PDE1C: variants seen among roughly 807,000 people sequenced by gnomAD.
PDE1C encodes phosphodiesterase 1C, also known as dual specificity calcium/calmodulin-dependent 3',5'-cyclic nucleotide phosphodiesterase 1C.
Under a neutral mutation model 93.1 loss-of-function variants are expected in PDE1C, and 62 were observed. The observed-to-expected ratio is 0.67, with a 90% CI of 0.54 to 0.82. The LOEUF (loss-of-function observed/expected upper bound fraction) is 0.82, where lower values mean the gene tolerates loss of function less well. PDE1C is among the 40% of genes least tolerant of loss of function. The probability of loss-of-function intolerance (pLI) is 0.00; values close to 1 mark genes in which losing one functional copy is unlikely to be tolerated. For synonymous variants in PDE1C, 325 were observed against 310.1 expected (o/e 1.05, Z -0.50); for missense variants, 742 against 884.6 (o/e 0.84, Z 2.04).
At position 31,864,960 on chromosome 7, in the gene PDE1C, G is replaced by A; in HGVS notation, c.732C>T (p.Leu244=). Residue 244 remains leucine, a synonymous_variant, in exon 7 of 18, where the codon CTC becomes CTT. Transcript: ENST00000396191. ...TACTTACCGCCACTCCTGTCTTATA[G>A]AGGAGGTAATGCACTGTCTGTGTAA... The part of the protein sequence containing the change: ...ADVTQTVHYL[L]YKTGVANWLT... The A allele has an allele frequency of 6.2e-7, 1 of 1,613,978 alleles. No individual in the cohort carries two copies. The highest frequency in any genetic ancestry group is 1.1e-5 in the South Asian group (1 of 91,076).
At chr7:32,417,969 T>A (rs879604498) in intron 1 of PDE1C, among the ~76,000 whole-genome samples, 14 of 152,122 alleles carry the variant, frequency 9.2e-5, no homozygotes, top group African/African-American at 2.9e-4. Context: ...GAAACTTGTG[T>A]TTTTGTTTGT....
the PDE1C span, chr7:31,696,209 G>C: frequency 6.6e-6 from 1 of 152,202 alleles, no homozygotes. Context: ...GTTTTGCCTT[G>C]TTTTGCTTTC....
At position 31,827,788 on chromosome 7, in the gene PDE1C, T is replaced by C. The variant is rs149651057; in HGVS notation, c.1285+504A>G. ...TGGTTATTAGCAATTCAAAAGTTATTCTTACCTTAAAAAAGTGCTTTAAAG... is the reference window on the plus strand; with the variant it reads ...TGGTTATTAGCAATTCAAAAGTTATCCTTACCTTAAAAAAGTGCTTTAAAG... On this transcript the variant is annotated intron_variant, in intron 12 of 17. Transcript: ENST00000396191. 7.6e-3 allele frequency among the ~76,000 whole-genome samples: 1,151 copies of C among 152,206 alleles called. 22 individuals carry two copies. Among genetic ancestry groups the C allele is most frequent in the African/African-American group, 0.026 (1,061 of 41,534 alleles).
intron 1 of PDE1C, among the ~76,000 whole-genome samples, chr7:32,267,031 CAG>C (rs1810625518): frequency 6.6e-6 from 1 of 152,232 alleles, no homozygotes; most frequent in African/African-American, 2.4e-5. Context: ...AGTCAGCAGT[CAG>C]AGGAGTTCAG....
chr7:32,408,465 A>C (rs1785101798), intron 1 of PDE1C, among the ~76,000 whole-genome samples: 1 of 152,206 alleles, frequency 6.6e-6, no homozygotes, highest in Non-Finnish European at 1.5e-5. Flanking sequence ...GCTTATCTGC[A>C]TCCTGCTTAA....
chr7:31,873,444 C>T, intron 5 of PDE1C, 36 bp from the exon 6 acceptor site: 1 of 1,313,540 alleles, frequency 7.6e-7, no homozygotes, highest in Non-Finnish European at 1.1e-6. Context: ...ACACATTAGC[C>T]CACAGACACT....
intron 2 of PDE1C, among the ~76,000 whole-genome samples, chr7:31,985,778 C>T (rs1431643554): frequency 6.6e-6 from 1 of 152,120 alleles, no homozygotes; most frequent in East Asian, 1.9e-4. Context: ...GCATAGTATT[C>T]CATGGTGTAT....
chr7:31,652,560 A>C, the PDE1C span: 1 of 1,609,694 alleles, frequency 6.2e-7, no homozygotes, highest in Middle Eastern at 1.7e-4. Flanking sequence ...ACACTATTCA[A>C]ATCTGCATCA....
At chr7:32,135,542 C>T (rs1156795222) in intron 3 of PDE1C, among the ~76,000 whole-genome samples, 1 of 152,128 alleles carries the variant, frequency 6.6e-6, no homozygotes, top group Non-Finnish European at 1.5e-5. Flanking sequence ...TACTAACCAT[C>T]AGAGAAATGA....
chr7:32,099,430 G>T (rs900183631), intron 3 of PDE1C, among the ~76,000 whole-genome samples: 1 of 152,130 alleles, frequency 6.6e-6, no homozygotes, highest in Non-Finnish European at 1.5e-5. Context: ...TTACTCCTCC[G>T]TGTTAATGTT....
At chr7:31,932,674 A>G (rs1804482186) in intron 2 of PDE1C, among the ~76,000 whole-genome samples, 1 of 152,226 alleles carries the variant, frequency 6.6e-6, no homozygotes, top group Non-Finnish European at 1.5e-5. Context: ...TCAAGGATCT[A>G]GAATCAGAAA....
chr7:32,141,237 C>A (rs531359348), intron 3 of PDE1C, among the ~76,000 whole-genome samples: 4 of 152,096 alleles, frequency 2.6e-5, no homozygotes, highest in Admixed American at 2.6e-4. Flanking sequence ...ACTAAGAAAG[C>A]GAGAGAATAG....
intron 3 of PDE1C, among the ~76,000 whole-genome samples, chr7:32,129,371 G>A (rs562001796): frequency 8.1e-6 from 1 of 123,676 alleles, no homozygotes; most frequent in South Asian, 2.3e-4. Context: ...ATATTGCAAT[G>A]ATTATATCTG....
At chr7:31,967,911 C>T (rs529955700) in intron 2 of PDE1C, among the ~76,000 whole-genome samples, 2 of 152,294 alleles carry the variant, frequency 1.3e-5, no homozygotes, top group South Asian at 4.1e-4. Flanking sequence ...TTCAACAATG[C>T]TTCATGCTAA....
intron 3 of PDE1C, among the ~76,000 whole-genome samples, chr7:32,114,703 G>GCAATCTAC (rs1325705831): frequency 6.6e-6 from 1 of 152,136 alleles, no homozygotes; most frequent in East Asian, 1.9e-4. Context: ...GAAAATTTTT[G>GCAATCTAC]CAATCTACCC....
chr7:31,666,448 G>T, the PDE1C span, among the ~76,000 whole-genome samples: 2 of 152,112 alleles, frequency 1.3e-5, no homozygotes, highest in Non-Finnish European at 2.9e-5. Flanking sequence ...GTATTTAAAT[G>T]AAGTTATTTT....
At chr7:32,135,380 G>C (rs974806154) in intron 3 of PDE1C, among the ~76,000 whole-genome samples, 1 of 151,892 alleles carries the variant, frequency 6.6e-6, no homozygotes, top group Non-Finnish European at 1.5e-5. Flanking sequence ...TCTGATAAGG[G>C]GTTAATATAA....
At chr7:32,419,477 T>C (rs1354227632) in intron 1 of PDE1C, among the ~76,000 whole-genome samples, 3 of 152,100 alleles carry the variant, frequency 2.0e-5, no homozygotes, top group Admixed American at 6.5e-5. Context: ...GCCCTTGGGG[T>C]ATGGGGTGAC....
intron 2 of PDE1C, among the ~76,000 whole-genome samples, chr7:31,995,550 T>C (rs1441852473): frequency 6.6e-6 from 1 of 152,182 alleles, no homozygotes; most frequent in African/African-American, 2.4e-5. Flanking sequence ...TATGTTCCTA[T>C]TTTTGCATCA....
Sources: allele counts gnomAD v4.1 joint callset (sites outside exome capture counted in the v4.1 genomes callset), GRCh38; gene constraint gnomAD v4.1.1; transcripts MANE v1.5; gene names NCBI Gene and HGNC (gene_info 2026-07-23, HGNC 2026-07-21).